The following RABGAP1L variants were observed in gnomAD, a reference collection of about 807,000 sequenced individuals.
The protein encoded by RABGAP1L is rab GTPase-activating protein 1-like.
A neutral mutation model predicts 137.7 loss-of-function variants in RABGAP1L; 63 were observed. That is an observed-to-expected ratio of 0.46 (90% CI 0.37 to 0.56). The LOEUF is 0.56. RABGAP1L is among the 20% of genes least tolerant of loss of function. RABGAP1L has a pLI of 0.00. For synonymous variants in RABGAP1L, 431 were observed against 433.7 expected (o/e 0.99, Z 0.08); for missense variants, 1,095 against 1,244.0 (o/e 0.88, Z 1.80).
chr1:174,897,929 A>C (rs1327343910), intron 19 of RABGAP1L: 1 of 148,934 alleles, frequency 6.7e-6, no homozygotes, highest in Non-Finnish European at 1.5e-5. Flanking sequence ...CCGTGAGCTG[A>C]GATCACATCA....
At chr1:174,933,929 G>C (rs1041546593) in intron 19 of RABGAP1L, among the ~76,000 whole-genome samples, 5 of 152,056 alleles carry the variant, frequency 3.3e-5, no homozygotes, top group Admixed American at 3.3e-4. Context: ...CAATCCTCTA[G>C]GGAAAATCAA....
rs954694024 is a variant in RABGAP1L at position 174,957,506 on chromosome 1, G to A, written c.2390G>A (p.Arg797Gln). Residue 797 changes from arginine to glutamine, a missense_variant, in exon 20 of 26, where the codon CGA becomes CAA. Arg to Gln is a conservative substitution (Grantham distance 43). Around this residue, in one of 4 missense-constraint regions of RABGAP1L, gnomAD observed 312 missense variants for 435.6 expected, o/e 0.72. Transcript: ENST00000681986. ...TATGAGAAAGAATATCAGACAATGC[G>A]AGAGAGTCAGCTGCAACAGGAAGAC... ...KKYEKEYQTM[R>Q]ESQLQQEDPM... The A allele has an allele frequency of 4.3e-6, 7 of 1,613,554 alleles. No homozygotes were observed. The highest frequency in any genetic ancestry group is 4.5e-5 in the East Asian group (2 of 44,860).
intron 12 of RABGAP1L, among the ~76,000 whole-genome samples, chr1:174,383,546 C>T (rs965335891): frequency 2.6e-5 from 4 of 152,118 alleles, no homozygotes; most frequent in Admixed American, 1.3e-4. Context: ...GGGAGTGACC[C>T]GATTTTCCAG....
At chr1:174,553,957 C>T (rs1321901874) in intron 13 of RABGAP1L, among the ~76,000 whole-genome samples, 1 of 152,128 alleles carries the variant, frequency 6.6e-6, no homozygotes, top group Non-Finnish European at 1.5e-5. Flanking sequence ...GCCACTTGCA[C>T]TGCAGCCAGG....
chr1:174,264,732 C>T (rs1673902483), intron 7 of RABGAP1L, among the ~76,000 whole-genome samples: 1 of 151,362 alleles, frequency 6.6e-6, no homozygotes, highest in Non-Finnish European at 1.5e-5. Context: ...ATTAGTTCTA[C>T]TTCCAACTAT....
intron 19 of RABGAP1L, among the ~76,000 whole-genome samples, chr1:174,880,346 A>G (rs1423553046): frequency 2.0e-5 from 3 of 152,096 alleles, no homozygotes; most frequent in African/African-American, 7.2e-5. Context: ...AGAATTCAGA[A>G]TATGGCCACG....
intron 18 of RABGAP1L, among the ~76,000 whole-genome samples, chr1:174,805,219 G>T (rs1689173186): frequency 6.6e-6 from 1 of 152,134 alleles, no homozygotes; most frequent in African/African-American, 2.4e-5. Flanking sequence ...TATCACTGGG[G>T]TAAGTGCAAA....
At chr1:174,950,388 G>A (rs1157406326) in intron 19 of RABGAP1L, among the ~76,000 whole-genome samples, 1 of 152,162 alleles carries the variant, frequency 6.6e-6, no homozygotes, top group African/African-American at 2.4e-5. Context: ...TCCTCCTAGT[G>A]CTAAAAGCTT....
chr1:174,422,861 C>T (rs987911710), intron 13 of RABGAP1L, among the ~76,000 whole-genome samples: 4 of 149,268 alleles, frequency 2.7e-5, no homozygotes, highest in South Asian at 2.1e-4. Flanking sequence ...GCACGAGAAT[C>T]GCTTGAACCC....
chr1:174,398,074 T>C (rs938574187), intron 13 of RABGAP1L, among the ~76,000 whole-genome samples: 5 of 152,206 alleles, frequency 3.3e-5, no homozygotes, highest in African/African-American at 9.6e-5. Flanking sequence ...GCTTCCATCA[T>C]TCTCACGGAT....
chr1:174,921,494 A>G (rs1438856038), intron 19 of RABGAP1L, among the ~76,000 whole-genome samples: 6 of 152,228 alleles, frequency 3.9e-5, no homozygotes, highest in Non-Finnish European at 8.8e-5. Flanking sequence ...ATACCTCCAC[A>G]TGGGCATACT....
intron 17 of RABGAP1L, among the ~76,000 whole-genome samples, chr1:174,720,283 A>AGATC (rs1681402345): frequency 7.3e-6 from 1 of 136,618 alleles, no homozygotes; most frequent in African/African-American, 3.5e-5. Context: ...ATAGATAGAT[A>AGATC]GATAGATAGA....
chr1:174,666,165 T>G (rs1676771160), intron 14 of RABGAP1L, among the ~76,000 whole-genome samples: 1 of 152,186 alleles, frequency 6.6e-6, no homozygotes, highest in African/African-American at 2.4e-5. Flanking sequence ...TTCCACATAT[T>G]TTTTACTTGG....
intron 19 of RABGAP1L, among the ~76,000 whole-genome samples, chr1:174,893,425 CA>C (rs1656601449): frequency 1.3e-5 from 2 of 152,044 alleles, no homozygotes. Context: ...ATAGAAAATA[CA>C]AAGTGGTTTC....
chr1:174,466,151 T>G (rs1404638051), intron 13 of RABGAP1L, among the ~76,000 whole-genome samples: 1 of 152,204 alleles, frequency 6.6e-6, no homozygotes, highest in Non-Finnish European at 1.5e-5. Flanking sequence ...TGTTTGGAAC[T>G]TGGAAAATCA....
At chr1:174,645,211 T>C (rs1371365186) in intron 14 of RABGAP1L, among the ~76,000 whole-genome samples, 1 of 152,030 alleles carries the variant, frequency 6.6e-6, no homozygotes, top group East Asian at 1.9e-4. Flanking sequence ...TTTTAAAATA[T>C]TTTATAAAAT....
chr1:174,165,333 A>G (rs1015938436), intron 1 of RABGAP1L, among the ~76,000 whole-genome samples: 1 of 152,018 alleles, frequency 6.6e-6, no homozygotes, highest in Non-Finnish European at 1.5e-5. Flanking sequence ...TATTTTTAGT[A>G]CAGACGGGGT....
chr1:174,276,386 A>G (rs1286289888), intron 9 of RABGAP1L, among the ~76,000 whole-genome samples: 2 of 152,006 alleles, frequency 1.3e-5, no homozygotes, highest in Admixed American at 6.6e-5. Flanking sequence ...TTTGACCTCA[A>G]CTGATCTTCT....
chr1:174,610,200 T>G (rs1438591350), intron 13 of RABGAP1L, among the ~76,000 whole-genome samples: 105 of 125,690 alleles, frequency 8.4e-4, no homozygotes, highest in African/African-American at 2.6e-3. Context: ...TGCTATCCCT[T>G]CCCCCTCCCC....
Sources: gnomAD v4.1 joint callset for allele counts (sites outside exome capture counted in the v4.1 genomes callset) on GRCh38, gnomAD v4.1.1 for gene constraint, gnomAD v4.1.1 regional missense constraint, MANE v1.5 for transcripts, NCBI Gene and HGNC (gene_info 2026-07-23, HGNC 2026-07-21) for gene names.